Variants in NHSL3 observed in about 807,000 individuals in gnomAD.
NHSL3 encodes NHS like 3, also known as NHS-like protein 3.
chr1:32,758,048 C>G, the NHSL3 span, among the ~76,000 whole-genome samples: 1 of 152,086 alleles, frequency 6.6e-6, no homozygotes, highest in African/African-American at 2.4e-5. Flanking sequence ...GCGTTGATCC[C>G]GCAGATCAAA....
chr1:32,770,539 C>T, the NHSL3 span: 13 of 1,534,472 alleles, frequency 8.5e-6, no homozygotes, highest in Non-Finnish European at 1.1e-5. The surrounding 1 kb of genome is among the most constrained non-coding windows in gnomAD (Gnocchi z 8.3). Flanking sequence ...CGTGGTACCC[C>T]CTCCCCAGGG....
chr1:32,768,585 C>A, the NHSL3 span: 22 of 1,570,658 alleles, frequency 1.4e-5, no homozygotes, highest in East Asian at 2.3e-5. Flanking sequence ...GGATTTGTCT[C>A]AAAAAAAAGT....
the NHSL3 span, among the ~76,000 whole-genome samples, chr1:32,762,423 C>G: frequency 7.0e-6 from 1 of 141,880 alleles, no homozygotes; most frequent in Non-Finnish European, 1.6e-5. Context: ...TTAGAGTTAT[C>G]AGGGGAATCT....
chr1:32,769,748 C>G, the NHSL3 span: 1 of 1,613,656 alleles, frequency 6.2e-7, no homozygotes, highest in Non-Finnish European at 8.5e-7. Flanking sequence ...CGGCGGAGCA[C>G]TGTGCTGGGA....
the NHSL3 span, among the ~76,000 whole-genome samples, chr1:32,743,462 A>G: frequency 6.6e-6 from 1 of 152,108 alleles, no homozygotes; most frequent in Admixed American, 6.5e-5. Flanking sequence ...CTGAGGGAGG[A>G]CTGGATTTGG....
chr1:32,771,780 T>C, the NHSL3 span: 1 of 1,613,516 alleles, frequency 6.2e-7, no homozygotes, highest in East Asian at 2.2e-5. Flanking sequence ...GCAAGGGTGG[T>C]GGGCCTCCCA....
At chr1:32,766,443 C>T in the NHSL3 span, among the ~76,000 whole-genome samples, 3 of 152,112 alleles carry the variant, frequency 2.0e-5, no homozygotes, top group Admixed American at 2.0e-4. Flanking sequence ...CAGTCTGACT[C>T]CTACTGCTGG....
At chr1:32,763,455 T>C in the NHSL3 span, among the ~76,000 whole-genome samples, 1 of 152,218 alleles carries the variant, frequency 6.6e-6, no homozygotes, top group Non-Finnish European at 1.5e-5. Context: ...CACTCCTGCC[T>C]CAAGGCCTTT....
chr1:32,742,306 C>G, the NHSL3 span: 1 of 1,040,940 alleles, frequency 9.6e-7, no homozygotes, highest in Non-Finnish European at 1.2e-6. Flanking sequence ...GGAGCTGGTG[C>G]TGGAAAGCGA....
At chr1:32,772,887 A>AC in the NHSL3 span, 1 of 1,614,022 alleles carries the variant, frequency 6.2e-7, no homozygotes, top group Non-Finnish European at 8.5e-7. Flanking sequence ...AGCTGGCCTG[A>AC]CCACCAGGCA....
chr1:32,772,589 C>A, the NHSL3 span: 1 of 1,347,386 alleles, frequency 7.4e-7, no homozygotes, highest in Non-Finnish European at 9.8e-7. Flanking sequence ...CTTGCTGGGG[C>A]CCAGAGGAGA....
the NHSL3 span, among the ~76,000 whole-genome samples, chr1:32,766,810 C>G: frequency 2.0e-5 from 3 of 152,264 alleles, 1 homozygote; most frequent in South Asian, 6.2e-4. Context: ...CACAGCCCCC[C>G]ATCCCCAGGA....
the NHSL3 span, chr1:32,769,692 T>G: frequency 1.2e-6 from 2 of 1,613,640 alleles, no homozygotes; most frequent in East Asian, 4.5e-5. Flanking sequence ...TCCGACCCCA[T>G]GACTCATTTC....
At chr1:32,746,820 T>A in the NHSL3 span, among the ~76,000 whole-genome samples, 1 of 152,296 alleles carries the variant, frequency 6.6e-6, no homozygotes, top group African/African-American at 2.4e-5. Context: ...TTTCTGACTC[T>A]GGAGGCAGGT....
chr1:32,768,889 G>C, the NHSL3 span: 1 of 1,275,862 alleles, frequency 7.8e-7, no homozygotes, highest in Non-Finnish European at 1.1e-6. Context: ...ATGAATTCGG[G>C]AAACACAGTA....
the NHSL3 span, chr1:32,767,816 C>G: frequency 1.2e-6 from 2 of 1,612,912 alleles, no homozygotes; most frequent in Non-Finnish European, 1.7e-6. Context: ...TGACAAACAT[C>G]TAAGTGTAGG....
the NHSL3 span, chr1:32,773,380 G>C: frequency 5.5e-6 from 1 of 181,670 alleles, no homozygotes; most frequent in South Asian, 1.3e-4. Flanking sequence ...CCGGCAGTCA[G>C]CCCATAGCTT....
At chr1:32,771,904 C>A in the NHSL3 span, 8 of 1,591,402 alleles carry the variant, frequency 5.0e-6, no homozygotes, top group Admixed American at 1.0e-4. Flanking sequence ...ATCGGCCCCC[C>A]AGAAACCACT....
At chr1:32,746,230 C>CA in the NHSL3 span, among the ~76,000 whole-genome samples, 11 of 8,316 alleles carry the variant, frequency 1.3e-3, no homozygotes, top group African/African-American at 4.4e-3. Flanking sequence ...GACTCCAGCT[C>CA]AAAAAAAAAA....
Sources: gnomAD v4.1 joint callset for allele counts (sites outside exome capture counted in the v4.1 genomes callset) on GRCh38, gnomAD v4.1.1 for gene constraint, Gnocchi (gnomAD v3.1) non-coding constraint, MANE v1.5 for transcripts, NCBI Gene and HGNC (gene_info 2026-07-23, HGNC 2026-07-21) for gene names.